The following CDS1 variants were observed in gnomAD, a reference collection of about 807,000 sequenced individuals.
CDS1 encodes the protein phosphatidate cytidylyltransferase 1.
Under a neutral mutation model 62.1 loss-of-function variants are expected in CDS1, and 41 were observed. The observed-to-expected ratio is 0.66, with a 90% confidence interval of 0.51 to 0.86. The LOEUF is 0.86. CDS1 is among the 40% of genes least tolerant of loss of function. The probability of loss-of-function intolerance (pLI) is 0.00; values close to 1 mark genes in which losing one functional copy is unlikely to be tolerated. For synonymous variants in CDS1, 185 were observed against 192.6 expected (o/e 0.96, Z 0.32); for missense variants, 470 against 550.1 (o/e 0.85, Z 1.46).
chr4:84,648,663 C>T lies in CDS1; in HGVS notation c.1363C>T (p.Leu455=). The part of the protein sequence containing the change: ...LKTHLIEKGI[L]QPTLKV ...GACTCATCTCATTGAGAAAGGAATC[C>T]TACAACCCACCTTGAAGGTATAACT... Residue 455 remains leucine, a synonymous_variant, in exon 13 of 13, where the codon CTA becomes TTA. Coordinates refer to ENST00000295887, the MANE Select transcript of CDS1 (RefSeq NM_001263.4). 6.2e-7 allele frequency: 1 copy of T among 1,613,164 alleles called. No homozygotes were observed. The highest frequency in any genetic ancestry group is 8.5e-7 in the Non-Finnish European group (1 of 1,179,456).
chr4:84,626,332 T>TG (rs1723861395), intron 5 of CDS1, among the ~76,000 whole-genome samples: 1 of 152,238 alleles, frequency 6.6e-6, no homozygotes, highest in Admixed American at 6.5e-5. Flanking sequence ...CATATTCACA[T>TG]GCAGTTGTAA....
At chr4:84,641,198 C>G (rs936469956) in intron 10 of CDS1, among the ~76,000 whole-genome samples, 1 of 152,120 alleles carries the variant, frequency 6.6e-6, no homozygotes, top group Middle Eastern at 3.2e-3. Flanking sequence ...TCCTGAGTAG[C>G]TGGGATTACA....
chr4:84,608,368 G>T (rs1403996093), intron 2 of CDS1, among the ~76,000 whole-genome samples: 3 of 152,116 alleles, frequency 2.0e-5, no homozygotes, highest in Admixed American at 6.5e-5. Context: ...TAGAGACGGG[G>T]TTTCACCGTG....
Position 84,604,324 on chromosome 4 carries a change from A to G in CDS1, c.199A>G (p.Arg67Gly), listed in dbSNP as rs371111100. 6.2e-7 allele frequency: 1 copy of G among 1,612,610 alleles called. No homozygotes were observed. The highest frequency in any genetic ancestry group is 8.5e-7 in the Non-Finnish European group (1 of 1,178,798). ...DIPEIPPSSD[R>G]TPEILKKALS... ...TCCGGAAATTCCACCATCCTCAGAT[A>G]GAACCCCTGAGATTCTCAAAAAAGC... is the stretch of plus-strand genomic sequence containing the variant. The change falls in exon 2 of 13, where the codon AGA becomes GGA. Residue 67 changes from arginine (R) to glycine (G), a missense_variant. Coordinates refer to ENST00000295887, the MANE Select transcript of CDS1 (RefSeq NM_001263.4).
At chr4:84,647,741 G>T (rs1445517962) in intron 12 of CDS1, among the ~76,000 whole-genome samples, 1 of 152,180 alleles carries the variant, frequency 6.6e-6, no homozygotes, top group Non-Finnish European at 1.5e-5. Context: ...AAGATTTTCA[G>T]AGTAAATAGT....
At chr4:84,613,398 CAGA>C (rs1341331692) in intron 3 of CDS1, among the ~76,000 whole-genome samples, 1 of 151,984 alleles carries the variant, frequency 6.6e-6, no homozygotes, top group Non-Finnish European at 1.5e-5. Flanking sequence ...TGCTTGAGGT[CAGA>C]AGTTCAAGAC....
intron 3 of CDS1, among the ~76,000 whole-genome samples, chr4:84,609,759 C>CTG (rs1723258696): frequency 6.6e-6 from 1 of 152,160 alleles, no homozygotes; most frequent in African/African-American, 2.4e-5. Context: ...ATAACAGGTA[C>CTG]ATATCTATGT....
At chr4:84,628,401 G>A (rs1723920828) in intron 5 of CDS1, among the ~76,000 whole-genome samples, 1 of 152,108 alleles carries the variant, frequency 6.6e-6, no homozygotes, top group Non-Finnish European at 1.5e-5. Context: ...TATCGAAGGT[G>A]CTTGATAAAT....
At chr4:84,611,013 C>T (rs1046977169) in intron 3 of CDS1, among the ~76,000 whole-genome samples, 14 of 152,140 alleles carry the variant, frequency 9.2e-5, no homozygotes, top group Admixed American at 2.0e-4. Context: ...AGAGCAAAGA[C>T]GGAGCTGGGA....
At chr4:84,639,101 AT>A in intron 9 of CDS1, 109 bp downstream of exon 9, 1 of 406,436 alleles carries the variant, frequency 2.5e-6, no homozygotes, top group South Asian at 6.9e-5. Context: ...CTAATAATAT[AT>A]TTATTGAAAC....
chr4:84,607,351 A>G (rs920985985), intron 2 of CDS1, among the ~76,000 whole-genome samples: 1 of 151,240 alleles, frequency 6.6e-6, no homozygotes, highest in African/African-American at 2.4e-5. Context: ...TGGCACAATC[A>G]TGGCTCACTG....
intron 5 of CDS1, among the ~76,000 whole-genome samples, chr4:84,629,033 A>G (rs1472641462): frequency 6.6e-6 from 1 of 152,182 alleles, no homozygotes; most frequent in Non-Finnish European, 1.5e-5. Context: ...CCTTTTCAGT[A>G]CTTTTATTTA....
Position 84,609,492 on chromosome 4 carries a change from C to T in CDS1, c.309C>T (p.Ile103=), listed in dbSNP as rs183570204. 183 of 1,608,758 alleles carry T rather than the reference C, an allele frequency of 1.1e-4. 2 individuals carry two copies. In the East Asian group the frequency reaches 3.9e-3, roughly 34 times the overall value. ...CTATGATCTCGTTGTTTTTCCTGAT[C>T]ATCTATATGGGATCCTTCATGCTGA... The part of the protein sequence containing the change: ...TLTMISLFFL[I]IYMGSFMLML... Residue 103 remains isoleucine, a synonymous_variant, in exon 3 of 13, where the codon ATC becomes ATT. Transcript: ENST00000295887.
At chr4:84,609,006 G>A (rs1025013456) in intron 2 of CDS1, among the ~76,000 whole-genome samples, 3 of 151,668 alleles carry the variant, frequency 2.0e-5, no homozygotes, top group African/African-American at 4.8e-5. Context: ...GTGAAACCCC[G>A]TCTCTACTAA....
intron 5 of CDS1, among the ~76,000 whole-genome samples, chr4:84,628,954 C>T (rs1199553687): frequency 6.6e-6 from 1 of 152,018 alleles, no homozygotes; most frequent in Non-Finnish European, 1.5e-5. Context: ...TTGAGAACAC[C>T]AGGCACAATA....
At chr4:84,629,906 T>C (rs1723968563) in intron 5 of CDS1, among the ~76,000 whole-genome samples, 1 of 152,134 alleles carries the variant, frequency 6.6e-6, no homozygotes, top group Non-Finnish European at 1.5e-5. Flanking sequence ...AATCATGTAT[T>C]TTGGAGTAGT....
At chr4:84,603,190 T>A (rs1722989119) in intron 1 of CDS1, among the ~76,000 whole-genome samples, 1 of 152,230 alleles carries the variant, frequency 6.6e-6, no homozygotes, top group Non-Finnish European at 1.5e-5. Context: ...TAATAAGGGC[T>A]GAGTTTGGAT....
Position 84,645,302 on chromosome 4 carries a change from T to G in CDS1, c.1233T>G (p.His411Gln). The G allele has an allele frequency of 6.2e-7, 1 of 1,603,060 alleles. No homozygotes were observed. The highest frequency in any genetic ancestry group is 8.5e-7 in the Non-Finnish European group (1 of 1,170,166). ...AGTATTTGATGGCAACTTTTGTACATGTGTACATCACAAGTTTTATAAGGT... is the reference window on the plus strand; with the variant it reads ...AGTATTTGATGGCAACTTTTGTACAGGTGTACATCACAAGTTTTATAAGGT... ...DCQYLMATFV[H>Q]VYITSFIRGP... Residue 411 changes from histidine to glutamine, a missense_variant, in exon 12 of 13, where the codon CAT (histidine) becomes CAG (glutamine). His to Gln is a conservative substitution (Grantham distance 24). Around this residue, in one of 5 missense-constraint regions of CDS1, gnomAD observed 68 missense variants for 81.5 expected, o/e 0.83. Coordinates refer to ENST00000295887, the MANE Select transcript of CDS1 (RefSeq NM_001263.4).
intron 8 of CDS1, among the ~76,000 whole-genome samples, chr4:84,637,743 G>C (rs1724257170): frequency 6.6e-6 from 1 of 152,176 alleles, no homozygotes; most frequent in South Asian, 2.1e-4. Context: ...TGGATTAATT[G>C]TATAATATAC....
Sources: allele counts gnomAD v4.1 joint callset (sites outside exome capture counted in the v4.1 genomes callset), GRCh38; gene constraint gnomAD v4.1.1; regional missense constraint gnomAD v4.1.1; transcripts MANE v1.5; gene names NCBI Gene and HGNC (gene_info 2026-07-23, HGNC 2026-07-21).